The following TCP10L variants were observed in gnomAD, a reference collection of about 807,000 sequenced individuals.
TCP10L encodes the protein t-complex 10 like.
TCP10L carries 11 observed loss-of-function variants against 19.2 expected under a neutral mutation model. That is an observed-to-expected ratio of 0.57 (90% CI 0.36 to 0.95). The LOEUF (loss-of-function observed/expected upper bound fraction) is 0.95, where lower values mean the gene tolerates loss of function less well. Among genes scored for constraint, TCP10L ranks in the 40% least tolerant of loss-of-function variants. The pLI is 0.01. For missense variants in TCP10L, 247 were observed against 263.9 expected, an observed-to-expected ratio of 0.94 and a Z score of 0.44; for synonymous variants, 96 against 97.2, an observed-to-expected ratio of 0.99 and a Z score of 0.07.
intron 1 of TCP10L, 54 bp from the exon 2 acceptor site, chr21:32,584,359 G>A (rs1250506002): frequency 3.1e-5 from 48 of 1,571,850 alleles, no homozygotes; most frequent in African/African-American, 9.5e-5. Flanking sequence ...CTCCTACCCC[G>A]TCAGTGTGGG....
intron 4 of TCP10L, 33 bp from the exon 5 acceptor site, chr21:32,576,956 G>C (rs2038442852): frequency 6.3e-7 from 1 of 1,592,374 alleles, no homozygotes; most frequent in Non-Finnish European, 8.6e-7. Context: ...TTTTGCATTA[G>C]TAACAATTAT....
At position 32,582,136 on chromosome 21, in the gene TCP10L, C is replaced by A; in HGVS notation, c.360+64G>T. On this transcript the variant is annotated intron_variant, in intron 3 of 4. Transcript: ENST00000300258. The surrounding 1 kb of genome is among the most constrained non-coding windows in gnomAD (Gnocchi z 4.2). ...CGTCATTCAGCAATAAAGCCCACAT[C>A]TTTATGGGGACGCTATTTTTACATA... 2 of 1,575,820 alleles carry A rather than the reference C, an allele frequency of 1.3e-6. No homozygotes were observed. Among genetic ancestry groups the A allele is most frequent in the Non-Finnish European group, 1.7e-6 (2 of 1,153,940 alleles).
chr21:32,576,544 C>G lies in TCP10L; in HGVS notation c.*230G>C, dbSNP rs1406218662. On this transcript the variant is annotated 3_prime_UTR_variant, in exon 5 of 5. Coordinates refer to ENST00000300258, the MANE Select transcript of TCP10L (RefSeq NM_144659.7). ...CCAACTACAGAGCTCAGGAAAGCAA[C>G]TGATTTATAAAACCCAATCCAAGTT... is the stretch of plus-strand genomic sequence containing the variant. 4.9e-6 allele frequency: 3 copies of G among 614,884 alleles called. No homozygotes were observed. The highest frequency in any genetic ancestry group is 3.7e-5 in the African/African-American group (2 of 54,140). 38.1% of individuals were successfully genotyped at this position (614,884 alleles called of 1,614,324 possible). A position where few individuals can be genotyped will look rare whatever the true frequency, so the allele number is the denominator to read the frequency against.
intron 1 of TCP10L, 50 bp from the exon 2 acceptor site, chr21:32,584,355 C>T (rs368633686): frequency 5.5e-5 from 87 of 1,579,166 alleles, no homozygotes; most frequent in Middle Eastern, 1.7e-4. Flanking sequence ...AGCCCTCCTA[C>T]CCCGTCAGTG....
In TCP10L at chr21:32,584,257, G is replaced by T. The variant is rs147438820; in HGVS notation, c.48C>A (p.His16Gln). Residue 16 changes from histidine (H) to glutamine (Q), a missense_variant, in exon 2 of 5, where the codon CAC (histidine) becomes CAA (glutamine). Transcript: ENST00000300258. ...LEARDPKEGT[H>Q]PEDPCPGAGA... The stretch of plus-strand genomic sequence containing the variant: ...CAGCTCCTGGGCACGGGTCCTCTGG[G>T]TGGGTGCCCTCTTTGGGGTCCCTGG... The T allele has an allele frequency of 1.9e-5, 31 of 1,614,026 alleles. No individual in the cohort carries two copies. The highest frequency in any genetic ancestry group is 2.4e-5 in the Non-Finnish European group (28 of 1,180,022).
At chr21:32,581,071 G>A (rs2038489263) in intron 3 of TCP10L, among the ~76,000 whole-genome samples, 1 of 152,186 alleles carries the variant, frequency 6.6e-6, no homozygotes, top group African/African-American at 2.4e-5. Context: ...CCCATCCTAT[G>A]CCTATAAAAA....
At chr21:32,585,347 C>T (rs2038550168) in intron 1 of TCP10L, 74 bp downstream of exon 1, 2 of 242,160 alleles carry the variant, frequency 8.3e-6, no homozygotes, top group Non-Finnish European at 1.7e-5. Context: ...GTGTCCTCGG[C>T]CCCAAACTCA....
In TCP10L at chr21:32,578,899, A is replaced by C; in HGVS notation, c.361-68T>G. On this transcript the variant is annotated intron_variant, in intron 3 of 4. Coordinates refer to ENST00000300258, the MANE Select transcript of TCP10L (RefSeq NM_144659.7). The surrounding 1 kb of genome is among the most constrained non-coding windows in gnomAD (Gnocchi z 4.2). Reference sequence around the variant, plus strand: ...TAAAATAAATTCAAATTTTAATACAATGAAGAATAATTGGAATGTCCTAGA... The same window carrying C: ...TAAAATAAATTCAAATTTTAATACACTGAAGAATAATTGGAATGTCCTAGA... 6.2e-7 allele frequency: 1 copy of C among 1,608,864 alleles called. No individual in the cohort carries two copies. Among genetic ancestry groups the C allele is most frequent in the Non-Finnish European group, 8.5e-7 (1 of 1,177,174 alleles).
At position 32,575,870 on chromosome 21, in the gene TCP10L, A is replaced by G. The variant is rs2038427633; in HGVS notation, c.*904T>C. On this transcript the variant is annotated 3_prime_UTR_variant, in exon 5 of 5. Coordinates refer to ENST00000300258, the MANE Select transcript of TCP10L (RefSeq NM_144659.7). ...GGTGGCAGCAATGCCATGGGCTGGC[A>G]AATGGAGAAAGGGGAACAAAGCACC... The G allele has an allele frequency of 1.8e-5, 3 of 165,276 alleles. No homozygotes were observed. The highest frequency in any genetic ancestry group is 5.9e-5 in the Admixed American group (1 of 16,852). The allele number at this position is 165,276 out of a possible 1,614,324, so 10.2% of individuals were successfully genotyped here. A position where few individuals can be genotyped will look rare whatever the true frequency, so the allele number is the denominator to read the frequency against.
Position 32,576,863 on chromosome 21 carries a change from C to T in TCP10L, c.559G>A (p.Asp187Asn). 2.5e-6 allele frequency: 4 copies of T among 1,614,176 alleles called. No homozygotes were observed. Among genetic ancestry groups the T allele is most frequent in the Non-Finnish European group, 3.4e-6 (4 of 1,180,016 alleles). ...SWKTPPQENR[D>N]KNLSRRRQDR... ...TGACGTCTCCTGGAAAGATTTTTATCTCTATTTTCCTGTGGTGGTGTTTTC... is the reference window on the plus strand; with the variant it reads ...TGACGTCTCCTGGAAAGATTTTTATTTCTATTTTCCTGTGGTGGTGTTTTC... The change falls in exon 5 of 5, where the codon GAT becomes AAT. Residue 187 changes from aspartate to asparagine, a missense_variant. Physicochemically the swap from Asp to Asn is conservative, Grantham distance 23. Coordinates refer to ENST00000300258, the MANE Select transcript of TCP10L (RefSeq NM_144659.7).
Position 32,578,584 on chromosome 21 carries a change from A to G in TCP10L, c.498+110T>C. 6.7e-7 allele frequency: 1 copy of G among 1,486,802 alleles called. No homozygotes were observed. The highest frequency in any genetic ancestry group is 9.1e-7 in the Non-Finnish European group (1 of 1,102,422). The allele number at this position is 1,486,802 out of a possible 1,614,324, so 92.1% of individuals were successfully genotyped here. On this transcript the variant is annotated intron_variant, in intron 4 of 4. Coordinates refer to ENST00000300258, the MANE Select transcript of TCP10L (RefSeq NM_144659.7). This position sits in a 1 kb window ranked among gnomAD's most constrained non-coding sequence, Gnocchi z 4.2. ...GGAAGAACACAGGACTCCAGGGAGC[A>G]CCATGCTCACCCAGGGAGGTGAAAT...
At position 32,583,515 on chromosome 21, in the gene TCP10L, G is replaced by T. The variant is rs562354371; in HGVS notation, c.144+646C>A. Among the ~76,000 whole-genome samples the T allele has an allele frequency of 5.0e-3, 749 of 149,830 alleles. 3 individuals are homozygous for T. Among genetic ancestry groups the T allele is most frequent in the Non-Finnish European group, 8.0e-3 (539 of 67,446 alleles). ...GAGGCAGGAGAATGGCGTGAACCCGGGAGGCGGAGCTTGCAGTGAGCCGAG... is the reference window on the plus strand; with the variant it reads ...GAGGCAGGAGAATGGCGTGAACCCGTGAGGCGGAGCTTGCAGTGAGCCGAG... On this transcript the variant is annotated intron_variant, in intron 2 of 4. Coordinates refer to ENST00000300258, the MANE Select transcript of TCP10L (RefSeq NM_144659.7).
chr21:32,575,148 AC>A lies in TCP10L; in HGVS notation c.*1625del, dbSNP rs1306602717. ...GATGATGCCTGGAGGTTGCGGAGATACTAGCAGGTGTGTGTGAGAGGCAAGG... is the reference window on the plus strand; with the variant it reads ...GATGATGCCTGGAGGTTGCGGAGATATAGCAGGTGTGTGTGAGAGGCAAGG... On this transcript the variant is annotated 3_prime_UTR_variant, in exon 5 of 5. Coordinates refer to ENST00000300258, the MANE Select transcript of TCP10L (RefSeq NM_144659.7). 1 of 152,426 alleles carries A rather than the reference AC, an allele frequency of 6.6e-6. No homozygotes were observed. Among genetic ancestry groups the A allele is most frequent in the Non-Finnish European group, 1.5e-5 (1 of 68,196 alleles). 9.4% of individuals were successfully genotyped at this position (152,426 alleles called of 1,614,324 possible). A position where few individuals can be genotyped will look rare whatever the true frequency, so the allele number is the denominator to read the frequency against.
chr21:32,581,122 C>T (rs946529860), intron 3 of TCP10L, among the ~76,000 whole-genome samples: 2 of 152,182 alleles, frequency 1.3e-5, no homozygotes, highest in Admixed American at 6.5e-5. Flanking sequence ...GGCTGGATGT[C>T]GAGAAGAACA....
Position 32,576,331 on chromosome 21 carries a change from A to G in TCP10L, c.*443T>C. On this transcript the variant is annotated 3_prime_UTR_variant, in exon 5 of 5. Coordinates refer to ENST00000300258, the MANE Select transcript of TCP10L (RefSeq NM_144659.7). The stretch of plus-strand genomic sequence containing the variant: ...GGAAGATGGATGCATAGCCTGGGGC[A>G]ATGACAGTCACAGGCCCGCCTTGTC... The G allele has an allele frequency of 6.7e-7, 1 of 1,497,040 alleles. No homozygotes were observed. Among genetic ancestry groups the G allele is most frequent in the Non-Finnish European group, 9.2e-7 (1 of 1,090,768 alleles). 92.7% of individuals were successfully genotyped at this position (1,497,040 alleles called of 1,614,324 possible).
Position 32,576,476 on chromosome 21 carries a change from C to T in TCP10L, c.*298G>A, listed in dbSNP as rs1250301233. On this transcript the variant is annotated 3_prime_UTR_variant, in exon 5 of 5. Coordinates refer to ENST00000300258, the MANE Select transcript of TCP10L (RefSeq NM_144659.7). ...TCACCCAACAGCCCGACACTCCATA[C>T]TACAAGGTGGGTTAATTTTTTTAAA... 3.2e-6 allele frequency: 2 copies of T among 631,340 alleles called. No individual in the cohort carries two copies. The highest frequency in any genetic ancestry group is 3.1e-5 in the Admixed American group (1 of 32,454). 39.1% of individuals were successfully genotyped at this position (631,340 alleles called of 1,614,324 possible). A position where few individuals can be genotyped will look rare whatever the true frequency, so the allele number is the denominator to read the frequency against.
intron 3 of TCP10L, among the ~76,000 whole-genome samples, chr21:32,579,977 C>T (rs1337650499): frequency 1.3e-5 from 2 of 152,180 alleles, no homozygotes; most frequent in South Asian, 4.1e-4. Context: ...GCTAAACTCA[C>T]TTTCTTTCTG....
chr21:32,582,171 G>A lies in TCP10L; in HGVS notation c.360+29C>T. ...ACGCTATTTTTACATAACGCAAACG[G>A]TACAAAAACATAAATGCGCTTTTGG... On this transcript the variant is annotated intron_variant, in intron 3 of 4. Coordinates refer to ENST00000300258, the MANE Select transcript of TCP10L (RefSeq NM_144659.7). The surrounding 1 kb of genome is among the most constrained non-coding windows in gnomAD (Gnocchi z 4.2). 6 of 1,609,700 alleles carry A rather than the reference G, an allele frequency of 3.7e-6. No homozygotes were observed. Among genetic ancestry groups the A allele is most frequent in the Non-Finnish European group, 5.1e-6 (6 of 1,177,642 alleles).
At position 32,584,836 on chromosome 21, in the gene TCP10L, T is replaced by C. The variant is rs548346409; in HGVS notation, c.-1-531A>G. On this transcript the variant is annotated intron_variant, in intron 1 of 4. Transcript: ENST00000300258. ...GGGCACAGGCAGACCCTCCACCGTG[T>C]TGAGTATGTGTCTTGAACCATCAGG... Among the ~76,000 whole-genome samples, 4 of 152,204 alleles carry C rather than the reference T, an allele frequency of 2.6e-5. No individual in the cohort carries two copies. In the East Asian group the frequency reaches 7.7e-4, roughly 29 times the overall value.
Sources: gnomAD v4.1 joint callset for allele counts (sites outside exome capture counted in the v4.1 genomes callset) on GRCh38, gnomAD v4.1.1 for gene constraint, Gnocchi (gnomAD v3.1) non-coding constraint, MANE v1.5 for transcripts, NCBI Gene and HGNC (gene_info 2026-07-23, HGNC 2026-07-21) for gene names.